Variants in TRAP1 observed in about 807,000 individuals in gnomAD.
TRAP1 encodes the protein heat shock protein 75 kDa, mitochondrial.
TRAP1 carries 102 observed loss-of-function variants against 89.1 expected under a neutral mutation model. The ratio of observed to expected loss-of-function variants is 1.15; its 90% CI spans 0.98 to 1.35. The LOEUF is 1.35. Ranked by LOEUF, TRAP1 falls within the 40% of genes most tolerant of loss-of-function variation. TRAP1 has a pLI of 0.00. For missense variants in TRAP1, 1,256 were observed against 945.3 expected (o/e 1.33, Z -4.31); for synonymous variants, 508 against 388.0 (o/e 1.31, Z -3.64).
intron 15 of TRAP1, 38 bp from the exon 16 acceptor site, chr16:3,662,170 C>T: frequency 2.5e-6 from 4 of 1,588,064 alleles, no homozygotes; most frequent in Non-Finnish European, 3.4e-6. Context: ...GATAGAGGTT[C>T]CCAATGTGAG....
At chr16:3,694,155 G>C (rs1035772293) in intron 1 of TRAP1, among the ~76,000 whole-genome samples, 1 of 151,966 alleles carries the variant, frequency 6.6e-6, no homozygotes, top group African/African-American at 2.4e-5. Context: ...TCTGTCTCTT[G>C]TCACATGGCA....
chr16:3,690,576 CACCACTCA>C (rs1237424582), intron 2 of TRAP1, among the ~76,000 whole-genome samples: 1 of 152,184 alleles, frequency 6.6e-6, no homozygotes, highest in African/African-American at 2.4e-5. Flanking sequence ...TGCCATGAAT[CACCACTCA>C]GGGGAGGTGC....
chr16:3,663,748 G>T (rs2050750607), intron 13 of TRAP1, 186 bp from the exon 14 acceptor site: 1 of 668,422 alleles, frequency 1.5e-6, no homozygotes, highest in Non-Finnish European at 2.5e-6. Flanking sequence ...GGCTCTGACT[G>T]CCTTCAAGGC....
At chr16:3,701,386 A>C (rs2051362486) in intron 1 of TRAP1, among the ~76,000 whole-genome samples, 1 of 152,088 alleles carries the variant, frequency 6.6e-6, no homozygotes, top group African/African-American at 2.4e-5. Flanking sequence ...TGACAGAATC[A>C]AACCAAAAAA....
In TRAP1 at chr16:3,679,787, T is replaced by C. The variant is rs1323654839; in HGVS notation, c.475A>G (p.Thr159Ala). Residue 159 changes from threonine to alanine, a missense_variant, in exon 5 of 18, where the codon ACT becomes GCT. Transcript: ENST00000246957. ...TCTTCCTGTGTCATCCCGATACCAG[T>C]ATCCTGAGGAGAGAGACGCACTAAG... is the stretch of plus-strand genomic sequence containing the variant. ...AEKGTITIQD[T>A]GIGMTQEELV... The C allele has an allele frequency of 6.2e-7, 1 of 1,613,914 alleles. No homozygotes were observed. The highest frequency in any genetic ancestry group is 1.3e-5 in the African/African-American group (1 of 74,918).
Position 3,662,675 on chromosome 16 carries a change from G to T in TRAP1, c.1794+207C>A, listed in dbSNP as rs2043154154. The stretch of plus-strand genomic sequence containing the variant: ...CAGTTCACACCTGCTCTGGAGCAGG[G>T]CTGGGAGAAAGACACGGCCTTCCTG... On this transcript the variant is annotated intron_variant, in intron 15 of 17. Transcript: ENST00000246957. 4.3e-6 allele frequency: 3 copies of T among 693,034 alleles called. No homozygotes were observed. In the East Asian group the frequency reaches 8.2e-5, roughly 19 times the overall value. The allele number at this position is 693,034 out of a possible 1,614,324, so 42.9% of individuals were successfully genotyped here. A position where few individuals can be genotyped will look rare whatever the true frequency, so the allele number is the denominator to read the frequency against.
At position 3,706,213 on chromosome 16, in the gene TRAP1, C is replaced by T. The variant is rs970329414; in HGVS notation, c.88+11208G>A. On this transcript the variant is annotated intron_variant, in intron 1 of 17. Coordinates refer to ENST00000246957, the MANE Select transcript of TRAP1 (RefSeq NM_016292.3). ...AAGTAATCCACCCACGTTAGCCTCC[C>T]GAAGTGCTGAGATTGTAGACATGAG... 3.9e-5 allele frequency among the ~76,000 whole-genome samples: 6 copies of T among 152,248 alleles called. No homozygotes were observed. In the East Asian group the frequency reaches 7.7e-4, roughly 20 times the overall value.
At chr16:3,705,337 G>A (rs142392639) in intron 1 of TRAP1, among the ~76,000 whole-genome samples, 203 of 152,190 alleles carry the variant, frequency 1.3e-3, no homozygotes, top group African/African-American at 4.0e-3. Flanking sequence ...CCAAAGTGCT[G>A]GGATTACAGG....
In TRAP1 at chr16:3,664,383, G is replaced by C; in HGVS notation, c.1460C>G (p.Ala487Gly). 2 of 1,612,714 alleles carry C rather than the reference G, an allele frequency of 1.2e-6. No individual in the cohort carries two copies. Among genetic ancestry groups the C allele is most frequent in the Admixed American group, 1.7e-5 (1 of 59,796 alleles). Residue 487 changes from alanine (A) to glycine (G), a missense_variant, in exon 13 of 18, where the codon GCC (alanine) becomes GGC (glycine). Coordinates refer to ENST00000246957, the MANE Select transcript of TRAP1 (RefSeq NM_016292.3). ...GCGGGTGCCGGCCCGCATGCGGCTG[G>C]CGTATTCTGAGAGGCTGGTTAGCTG... is the stretch of plus-strand genomic sequence containing the variant. ...SGQLTSLSEY[A>G]SRMRAGTRNI...
intron 11 of TRAP1, among the ~76,000 whole-genome samples, chr16:3,668,248 C>T (rs762066576): frequency 6.0e-5 from 9 of 150,834 alleles, no homozygotes; most frequent in East Asian, 1.9e-4. Context: ...TAAGTAGAGA[C>T]GGGGTTTTAC....
chr16:3,698,351 G>A (rs1217379189), intron 1 of TRAP1, among the ~76,000 whole-genome samples: 2 of 145,722 alleles, frequency 1.4e-5, no homozygotes, highest in African/African-American at 5.1e-5. Flanking sequence ...TCACTCTGTT[G>A]CCCAGGCTGC....
In TRAP1 at chr16:3,666,146, T is replaced by A. The variant is rs755312389; in HGVS notation, c.1236-28A>T. ...ACAGAAAAGAAATGCATTTAATACATACAAGCAGCCTCTATGAAATACAAA... is the reference window on the plus strand; with the variant it reads ...ACAGAAAAGAAATGCATTTAATACAAACAAGCAGCCTCTATGAAATACAAA... On this transcript the variant is annotated intron_variant, in intron 11 of 17. Coordinates refer to ENST00000246957, the MANE Select transcript of TRAP1 (RefSeq NM_016292.3). 1.9e-6 allele frequency: 3 copies of A among 1,599,432 alleles called. No homozygotes were observed. In the African/African-American group the frequency reaches 4.1e-5, roughly 22 times the overall value.
chr16:3,684,257 A>G (rs1219957069), intron 4 of TRAP1, among the ~76,000 whole-genome samples: 1 of 152,226 alleles, frequency 6.6e-6, no homozygotes, highest in East Asian at 1.9e-4. Context: ...TGATTTTGCC[A>G]CCGGAATGAT....
chr16:3,700,513 C>T (rs2151277301), intron 1 of TRAP1, among the ~76,000 whole-genome samples: 1 of 152,224 alleles, frequency 6.6e-6, no homozygotes, highest in Admixed American at 6.5e-5. Context: ...GTTGCCCAGG[C>T]TGGAGTGCAC....
chr16:3,674,826 C>A, intron 8 of TRAP1: 2 of 385,800 alleles, frequency 5.2e-6, no homozygotes, highest in East Asian at 5.3e-5. Flanking sequence ...TGACGACCCA[C>A]GCTGCACCGC....
At chr16:3,681,007 C>T (rs1025331523) in intron 4 of TRAP1, among the ~76,000 whole-genome samples, 2 of 152,144 alleles carry the variant, frequency 1.3e-5, no homozygotes, top group South Asian at 2.1e-4. Flanking sequence ...CAGACCAACG[C>T]GCTGGTGAAC....
intron 1 of TRAP1, among the ~76,000 whole-genome samples, chr16:3,698,165 T>C (rs565569817): frequency 6.6e-6 from 1 of 151,892 alleles, no homozygotes; most frequent in Non-Finnish European, 1.5e-5. Flanking sequence ...TATATAGAAG[T>C]CCTCACAATT....
At chr16:3,705,911 T>C (rs1034840600) in intron 1 of TRAP1, among the ~76,000 whole-genome samples, 30 of 151,802 alleles carry the variant, frequency 2.0e-4, no homozygotes, top group African/African-American at 7.0e-4. Flanking sequence ...CAGGCTGGTC[T>C]CAAACTCCTG....
chr16:3,687,573 C>A (rs1426309774), intron 3 of TRAP1, among the ~76,000 whole-genome samples: 1 of 152,176 alleles, frequency 6.6e-6, no homozygotes, highest in African/African-American at 2.4e-5. Context: ...TGACCTCAAA[C>A]AGACCTTCCA....
Sources: gnomAD v4.1 joint callset for allele counts (sites outside exome capture counted in the v4.1 genomes callset) on GRCh38, gnomAD v4.1.1 for gene constraint, MANE v1.5 for transcripts, NCBI Gene and HGNC (gene_info 2026-07-23, HGNC 2026-07-21) for gene names.